The following LSAMP variants were observed in gnomAD, a reference collection of about 807,000 sequenced individuals.
LSAMP encodes limbic system associated membrane protein, also known as limbic system-associated membrane protein.
LSAMP carries 7 observed loss-of-function variants against 38.6 expected under a neutral mutation model. The ratio of observed to expected loss-of-function variants is 0.18; its 90% CI spans 0.10 to 0.34. LSAMP has a LOEUF of 0.34. LSAMP is among the 10% of genes least tolerant of loss of function. The pLI is 1.00. For synonymous variants in LSAMP, 154 were observed against 166.8 expected (o/e 0.92, Z 0.59); for missense variants, 313 against 420.0 (o/e 0.75, Z 2.23).
At chr3:116,011,012 G>GTTTTTTTTTTTTTTT (rs1259373730) in intron 3 of LSAMP, among the ~76,000 whole-genome samples, 2 of 147,312 alleles carry the variant, frequency 1.4e-5, no homozygotes, top group African/African-American at 5.4e-5. Flanking sequence ...CATAGTTTAT[G>GTTTTTTTTTTTTTTT]CTTTTTTTTG....
At chr3:116,372,765 T>C (rs1351914738) in intron 1 of LSAMP, among the ~76,000 whole-genome samples, 3 of 151,042 alleles carry the variant, frequency 2.0e-5, no homozygotes, top group African/African-American at 7.3e-5. Context: ...CAGAAATTAC[T>C]AATAAGCACA....
chr3:116,205,845 G>A (rs1304797333), intron 1 of LSAMP, among the ~76,000 whole-genome samples: 3 of 116,608 alleles, frequency 2.6e-5, no homozygotes, highest in African/African-American at 1.0e-4. Context: ...GTTCATCAAG[G>A]ATATTGGTCT....
At chr3:116,103,135 AT>A in intron 1 of LSAMP, among the ~76,000 whole-genome samples, 1 of 152,288 alleles carries the variant, frequency 6.6e-6, no homozygotes, top group East Asian at 1.9e-4. Flanking sequence ...TATATTAATC[AT>A]TGTATTCTGT....
intron 6 of LSAMP, among the ~76,000 whole-genome samples, chr3:115,828,127 T>C (rs1316946211): frequency 6.6e-6 from 1 of 152,198 alleles, no homozygotes; most frequent in Non-Finnish European, 1.5e-5. Context: ...TGAATGTCAA[T>C]ACTATCAAAA....
chr3:116,160,397 TGAAA>T (rs1037563187), intron 1 of LSAMP, among the ~76,000 whole-genome samples: 6 of 109,492 alleles, frequency 5.5e-5, no homozygotes, highest in South Asian at 3.3e-4. Flanking sequence ...AAAACTCTGT[TGAAA>T]GAAAGAAAGA....
At chr3:115,895,652 A>G (rs1008773943) in intron 3 of LSAMP, among the ~76,000 whole-genome samples, 1 of 152,114 alleles carries the variant, frequency 6.6e-6, no homozygotes, top group African/African-American at 2.4e-5. Context: ...GGATGAGTGC[A>G]TTTAATACAT....
rs1940579637 is a variant in LSAMP, at chr3:116,019,528, G to T, written c.501C>A (p.His167Gln). Residue 167 changes from histidine to glutamine, a missense_variant, in exon 3 of 7, where the codon CAC (histidine) becomes CAA (glutamine). His to Gln is a conservative substitution (Grantham distance 24). Transcript: ENST00000490035. ...GRPEPVITWRHLTPTGREFEG... is the reference protein window; with the variant it reads ...GRPEPVITWRQLTPTGREFEG... ...AGTATTGCTTACCAGTTGGTGTAAG[G>T]TGTCTCCAGGTGATAACAGGTTCAG... is the stretch of plus-strand genomic sequence containing the variant. 2 of 1,612,130 alleles carry T rather than the reference G, an allele frequency of 1.2e-6. No homozygotes were observed. The highest frequency in any genetic ancestry group is 3.3e-5 in the Admixed American group (2 of 59,950).
At chr3:116,381,296 T>G (rs2048555213) in intron 1 of LSAMP, among the ~76,000 whole-genome samples, 1 of 152,140 alleles carries the variant, frequency 6.6e-6, no homozygotes, top group African/African-American at 2.4e-5. Flanking sequence ...AATCTGGAAC[T>G]ATGTATTTGT....
chr3:116,269,432 C>T (rs910822919), intron 1 of LSAMP, among the ~76,000 whole-genome samples: 1 of 152,096 alleles, frequency 6.6e-6, no homozygotes, highest in East Asian at 1.9e-4. Flanking sequence ...GCATCCTACA[C>T]ATTGCTTGGT....
At chr3:115,980,302 T>C (rs1028952360) in intron 3 of LSAMP, among the ~76,000 whole-genome samples, 2 of 152,120 alleles carry the variant, frequency 1.3e-5, no homozygotes, top group Non-Finnish European at 2.9e-5. Flanking sequence ...AGTTTTTTTG[T>C]TAAATTTAGC....
At chr3:115,820,020 CACT>C (rs1934176972) in intron 6 of LSAMP, among the ~76,000 whole-genome samples, 2 of 141,626 alleles carry the variant, frequency 1.4e-5, no homozygotes, top group Admixed American at 7.2e-5. Context: ...GAGAAATAAA[CACT>C]TTTTTTTTTT....
chr3:116,294,026 AG>A (rs1472154646), intron 1 of LSAMP, among the ~76,000 whole-genome samples: 1 of 152,096 alleles, frequency 6.6e-6, no homozygotes. Context: ...TTGATTCTCT[AG>A]CTGAAAGGAT....
chr3:116,311,801 G>A (rs1175705683), intron 1 of LSAMP, among the ~76,000 whole-genome samples: 2 of 152,204 alleles, frequency 1.3e-5, no homozygotes, highest in Admixed American at 1.3e-4. Flanking sequence ...CAGTAGTAGA[G>A]ACAGTAGTAT....
intron 1 of LSAMP, among the ~76,000 whole-genome samples, chr3:116,220,050 A>T (rs934570299): frequency 3.9e-5 from 6 of 152,170 alleles, no homozygotes; most frequent in African/African-American, 1.4e-4. Context: ...GGCACATGCC[A>T]GTAGTCCCAG....
At position 116,209,221 on chromosome 3, in the gene LSAMP, A is replaced by G. The variant is rs543854741; in HGVS notation, c.156-122665T>C. 4.6e-5 allele frequency among the ~76,000 whole-genome samples: 7 copies of G among 152,228 alleles called. No individual in the cohort carries two copies. The South Asian group carries it at 6.2e-4, about 14-fold the overall frequency. On this transcript the variant is annotated intron_variant, in intron 1 of 6. Transcript: ENST00000490035. ...GAAAGGGAACTCCCTGACCCCTTGC[A>G]CTTCCCAAGTGAGGCAATGCCTCGC...
chr3:116,419,681 A>G (rs575705070), intron 1 of LSAMP, among the ~76,000 whole-genome samples: 6 of 152,334 alleles, frequency 3.9e-5, no homozygotes, highest in Admixed American at 2.0e-4. Context: ...TGGAAACCCA[A>G]GTCTGTAAAT....
chr3:116,276,971 C>T (rs894475268), intron 1 of LSAMP, among the ~76,000 whole-genome samples: 1 of 152,130 alleles, frequency 6.6e-6, no homozygotes, highest in Admixed American at 6.5e-5. Flanking sequence ...ATGATTGTGG[C>T]AGATCCTGTC....
At chr3:116,278,196 A>C (rs2047079649) in intron 1 of LSAMP, among the ~76,000 whole-genome samples, 1 of 152,156 alleles carries the variant, frequency 6.6e-6, no homozygotes, top group South Asian at 2.1e-4. Flanking sequence ...GGGAGCAAAA[A>C]ATGTCACAAA....
chr3:116,007,405 C>A (rs1460752799), intron 3 of LSAMP, among the ~76,000 whole-genome samples: 1 of 152,110 alleles, frequency 6.6e-6, no homozygotes, highest in East Asian at 1.9e-4. Context: ...ATTGAGGTTC[C>A]TCTTTTTTAT....
Sources: allele counts gnomAD v4.1 joint callset (sites outside exome capture counted in the v4.1 genomes callset), GRCh38; gene constraint gnomAD v4.1.1; transcripts MANE v1.5; gene names NCBI Gene and HGNC (gene_info 2026-07-23, HGNC 2026-07-21).